MX2: variants seen among roughly 807,000 people sequenced by gnomAD.
The protein encoded by MX2 is MX dynamin like GTPase 2.
A neutral mutation model predicts 74.0 loss-of-function variants in MX2; 51 were observed. That is an observed-to-expected ratio of 0.69 (90% CI 0.55 to 0.87). The LOEUF is 0.87. MX2 is among the 40% of genes least tolerant of loss of function. The probability of loss-of-function intolerance (pLI) is 0.00; values close to 1 mark genes in which losing one functional copy is unlikely to be tolerated. For missense variants in MX2, 832 were observed against 908.7 expected (o/e 0.92, Z 1.09); for synonymous variants, 369 against 339.3 (o/e 1.09, Z -0.96).
Position 41,397,602 on chromosome 21 carries a change from T to C in MX2, c.1071-11T>C, listed in dbSNP as rs755024021. 1.9e-6 allele frequency: 3 copies of C among 1,612,596 alleles called. No homozygotes were observed. Among genetic ancestry groups the C allele is most frequent in the African/African-American group, 1.3e-5 (1 of 75,012 alleles). On this transcript the variant is annotated splice_polypyrimidine_tract_variant and intron_variant, in intron 7 of 13. Transcript: ENST00000330714. ...TCCTTCCTGAATGCATGAATGTCTG[T>C]CTCATTTCAGAGTTCTCCTGGAGGA...
In MX2 at chr21:41,390,698, C is replaced by A. The variant is rs1418451864; in HGVS notation, c.866C>A (p.Thr289Asn). The change falls in exon 6 of 14, where the codon ACC (threonine) becomes AAC (asparagine). Residue 289 changes from threonine to asparagine, a missense_variant. Physicochemically the swap from Thr to Asn is moderately conservative, Grantham distance 65 (BLOSUM62 0). Transcript: ENST00000330714. ...GAGGTGGACCCGGAAGGGGACAGGA[C>A]CATCGGTAAGAGGAAAGAACCAAGT... Reference protein sequence around the residue: ...AHEVDPEGDRTIGILTKPDLM... With the variant: ...AHEVDPEGDRNIGILTKPDLM... 1 of 1,613,928 alleles carries A rather than the reference C, an allele frequency of 6.2e-7. No individual in the cohort carries two copies. Among genetic ancestry groups the A allele is most frequent in the Non-Finnish European group, 8.5e-7 (1 of 1,179,952 alleles).
At chr21:41,374,684 G>A (rs2089376353) in intron 1 of MX2, among the ~76,000 whole-genome samples, 1 of 152,162 alleles carries the variant, frequency 6.6e-6, no homozygotes, top group Non-Finnish European at 1.5e-5. Context: ...GGTGTCGCAG[G>A]TAGCAGATGT....
intron 5 of MX2, among the ~76,000 whole-genome samples, chr21:41,387,339 T>G (rs1233525673): frequency 6.6e-6 from 1 of 152,208 alleles, no homozygotes; most frequent in African/African-American, 2.4e-5. Context: ...GCTCTATTCT[T>G]GGCCGATTTG....
intron 6 of MX2, among the ~76,000 whole-genome samples, chr21:41,391,683 G>A (rs1568943198): frequency 2.0e-5 from 3 of 151,992 alleles, no homozygotes; most frequent in Admixed American, 6.6e-5. Flanking sequence ...CTCCCAGCCA[G>A]CTATTATTAT....
At chr21:41,387,774 T>G (rs1300264513) in intron 5 of MX2, among the ~76,000 whole-genome samples, 1 of 152,164 alleles carries the variant, frequency 6.6e-6, no homozygotes, top group Non-Finnish European at 1.5e-5. Context: ...GATTCACCAG[T>G]GCCCTTTGAG....
At chr21:41,378,985 G>T (rs1328341257) in intron 3 of MX2, among the ~76,000 whole-genome samples, 1 of 152,238 alleles carries the variant, frequency 6.6e-6, no homozygotes, top group Non-Finnish European at 1.5e-5. Flanking sequence ...GCAAGGTGGG[G>T]CTGCTGGAGG....
intron 1 of MX2, among the ~76,000 whole-genome samples, chr21:41,374,971 A>ATTTGTGG (rs2089380325): frequency 6.6e-6 from 1 of 152,128 alleles, no homozygotes; most frequent in South Asian, 2.1e-4. Context: ...ACATCTTGCA[A>ATTTGTGG]GCCTTTTTCC....
At chr21:41,406,372 T>C (rs2089886730) in intron 12 of MX2, among the ~76,000 whole-genome samples, 1 of 152,210 alleles carries the variant, frequency 6.6e-6, no homozygotes, top group Non-Finnish European at 1.5e-5. Context: ...TATCCCAGTG[T>C]TCGTCAGCAC....
At chr21:41,376,505 C>T (rs2089403611) in intron 1 of MX2, among the ~76,000 whole-genome samples, 2 of 152,246 alleles carry the variant, frequency 1.3e-5, no homozygotes, top group South Asian at 4.1e-4. Flanking sequence ...CCTGATTGCA[C>T]CACTACACTC....
chr21:41,393,220 A>C (rs2089687351), intron 6 of MX2, among the ~76,000 whole-genome samples: 1 of 152,112 alleles, frequency 6.6e-6, no homozygotes, highest in African/African-American at 2.4e-5. Context: ...TTATAATATA[A>C]CAGTGGCTTA....
rs73905350 is a variant in MX2, at chr21:41,394,315, G to A, written c.872-1272G>A. Among the ~76,000 whole-genome samples, 437 of 152,032 alleles carry A rather than the reference G, an allele frequency of 2.9e-3. 3 individuals carry two copies. The highest frequency in any genetic ancestry group is 0.01 in the African/African-American group (424 of 41,440). On this transcript the variant is annotated intron_variant, in intron 6 of 13. Coordinates refer to ENST00000330714, the MANE Select transcript of MX2 (RefSeq NM_002463.2). ...TGCCTTGCTCATGACCCTCCAATAC[G>A]GCTCTGCCATCCCTGCTCCCTCTCA...
intron 5 of MX2, among the ~76,000 whole-genome samples, chr21:41,384,356 A>G (rs2089540144): frequency 6.6e-6 from 1 of 152,240 alleles, no homozygotes; most frequent in South Asian, 2.1e-4. Flanking sequence ...TATGGAGGAT[A>G]CACATGATTT....
At chr21:41,394,644 A>G (rs947730700) in intron 6 of MX2, among the ~76,000 whole-genome samples, 19 of 152,302 alleles carry the variant, frequency 1.2e-4, no homozygotes, top group African/African-American at 4.6e-4. Context: ...AACGAAGGAC[A>G]AAATAGCGGA....
intron 4 of MX2, 88 bp from the exon 5 acceptor site, chr21:41,382,322 G>A (rs1406138399): frequency 2.8e-5 from 41 of 1,474,632 alleles, no homozygotes; most frequent in Non-Finnish European, 3.3e-5. Context: ...TCATACCCTG[G>A]AAAGGAGCAG....
chr21:41,379,347 A>G (rs2089457017), intron 3 of MX2, among the ~76,000 whole-genome samples: 2 of 152,194 alleles, frequency 1.3e-5, no homozygotes, highest in Admixed American at 6.5e-5. Context: ...GCTTCACGGC[A>G]GGAGCGTGAG....
At chr21:41,382,658 A>G in intron 5 of MX2, 94 bp downstream of exon 5, 1 of 1,504,386 alleles carries the variant, frequency 6.6e-7, no homozygotes. Context: ...GAGCCTTTAC[A>G]CTGAGGGATG....
intron 1 of MX2, among the ~76,000 whole-genome samples, chr21:41,373,196 A>T (rs1265119473): frequency 6.6e-6 from 1 of 151,374 alleles, no homozygotes; most frequent in Non-Finnish European, 1.5e-5. Context: ...GCAGGCACTC[A>T]ATGAATGTTT....
In MX2 at chr21:41,401,952, G is replaced by T. The variant is rs751145140; in HGVS notation, c.1415-18G>T. The T allele has an allele frequency of 6.2e-7, 1 of 1,608,824 alleles. No homozygotes were observed. Among genetic ancestry groups the T allele is most frequent in the East Asian group, 2.2e-5 (1 of 44,838 alleles). ...AGAATTAGCAGAATTCACCATGGAG[G>T]TCTGTTTGATGTTGCAGTTAAAAAT... On this transcript the variant is annotated intron_variant, in intron 10 of 13. Transcript: ENST00000330714.
At position 41,408,094 on chromosome 21, in the gene MX2, A is replaced by G; in HGVS notation, c.2009A>G (p.Gln670Arg). ...SLQKAMMQIL[Q>R]EKNRYSWLLQ... ...CAGAAAGCCATGATGCAGATACTAC[A>G]GGAAAAAAATCGCTATTCCTGGCTG... Residue 670 changes from glutamine (Q) to arginine (R), a missense_variant, in exon 14 of 14, where the codon CAG becomes CGG. Physicochemically the swap from Gln to Arg is conservative, Grantham distance 43. Transcript: ENST00000330714. 1.2e-6 allele frequency: 2 copies of G among 1,614,250 alleles called. No individual in the cohort carries two copies. Among genetic ancestry groups the G allele is most frequent in the Non-Finnish European group, 8.5e-7 (1 of 1,180,056 alleles).
Sources: gnomAD v4.1 joint callset for allele counts (sites outside exome capture counted in the v4.1 genomes callset) on GRCh38, gnomAD v4.1.1 for gene constraint, MANE v1.5 for transcripts, NCBI Gene and HGNC (gene_info 2026-07-23, HGNC 2026-07-21) for gene names.